Variants in ANK2 observed in about 807,000 individuals in gnomAD.
The protein encoded by ANK2 is ankyrin-2.
Under a neutral mutation model 360.5 loss-of-function variants are expected in ANK2, and 83 were observed. The ratio of observed to expected loss-of-function variants is 0.23; its 90% CI spans 0.19 to 0.28. ANK2 has a LOEUF of 0.28. ANK2 is among the 10% of genes least tolerant of loss of function. The pLI, the probability that ANK2 is intolerant of heterozygous loss-of-function variation, is 1.00. For missense variants in ANK2, 4,201 were observed against 4,795.7 expected, an observed-to-expected ratio of 0.88 and a Z score of 3.66; for synonymous variants, 1,740 against 1,759.5, an observed-to-expected ratio of 0.99 and a Z score of 0.28.
intron 1 of ANK2, among the ~76,000 whole-genome samples, chr4:113,139,513 G>A (rs1000894131): frequency 6.6e-6 from 1 of 152,144 alleles, no homozygotes; most frequent in Non-Finnish European, 1.5e-5. Flanking sequence ...TCATCAGTTT[G>A]GGGGGATTCT....
intron 1 of ANK2, among the ~76,000 whole-genome samples, chr4:112,834,940 C>G (rs771573494): frequency 6.6e-6 from 1 of 152,158 alleles, no homozygotes; most frequent in Non-Finnish European, 1.5e-5. Context: ...CAACTTGTTC[C>G]TCTATCCCTT....
At chr4:112,756,950 A>T in the ANK2 span, among the ~76,000 whole-genome samples, 2 of 152,014 alleles carry the variant, frequency 1.3e-5, no homozygotes, top group African/African-American at 4.8e-5. Flanking sequence ...TCCAGCCTGG[A>T]TGACAGAACG....
At chr4:113,359,346 T>C (rs1466937891) in intron 38 of ANK2, 47 bp downstream of exon 38, 1 of 1,606,904 alleles carries the variant, frequency 6.2e-7, no homozygotes, top group Non-Finnish European at 8.5e-7. Flanking sequence ...TGTCATAAAA[T>C]TGATATAGTT....
At chr4:113,058,680 T>A (rs2071425695) in intron 1 of ANK2, among the ~76,000 whole-genome samples, 2 of 152,188 alleles carry the variant, frequency 1.3e-5, no homozygotes, top group Admixed American at 1.3e-4. Flanking sequence ...TGTCTTGTAA[T>A]AAGTGCAGAG....
chr4:113,339,271 C>T lies in ANK2; in HGVS notation c.3842C>T (p.Pro1281Leu). The change falls in exon 32 of 46, where the codon CCA (proline) becomes CTA (leucine). Residue 1281 changes from proline to leucine, a missense_variant. Physicochemically the swap from Pro to Leu is moderately conservative, Grantham distance 98 (BLOSUM62 -3). Coordinates refer to ENST00000357077, the MANE Select transcript of ANK2 (RefSeq NM_001148.6). ...TGGGAAGATATTACAGGAACTACGCCATTAACATTTGTCAATGAATGTGTT... is the reference window on the plus strand; with the variant it reads ...TGGGAAGATATTACAGGAACTACGCTATTAACATTTGTCAATGAATGTGTT... ...AQWEDITGTT[P>L]LTFVNECVSF... 4 of 1,613,932 alleles carry T rather than the reference C, an allele frequency of 2.5e-6. 1 individual carries two copies. In the African/African-American group the frequency reaches 5.3e-5, roughly 22 times the overall value.
intron 2 of ANK2, among the ~76,000 whole-genome samples, chr4:112,977,286 T>C (rs1440756034): frequency 6.6e-6 from 1 of 152,170 alleles, no homozygotes; most frequent in African/African-American, 2.4e-5. Flanking sequence ...CCTTTCTTCT[T>C]TAAATAATAT....
At chr4:112,765,719 A>G in the ANK2 span, among the ~76,000 whole-genome samples, 1 of 141,040 alleles carries the variant, frequency 7.1e-6, no homozygotes, top group South Asian at 2.4e-4. Flanking sequence ...TATGTCTGAG[A>G]GCTCTAAAAT....
chr4:113,258,062 C>T lies in ANK2; in HGVS notation c.1201C>T (p.Pro401Ser), dbSNP rs2153633535. The T allele has an allele frequency of 6.2e-7, 1 of 1,614,034 alleles. No individual in the cohort carries two copies. The change falls in exon 12 of 46, where the codon CCA becomes TCA. Residue 401 changes from proline to serine, a missense_variant. By Grantham distance (74) the Pro-to-Ser change is moderately conservative (BLOSUM62 -1). This residue lies in a region of ANK2 where 1,268 missense variants were observed against 1,650.8 expected (regional missense o/e 0.77). Coordinates refer to ENST00000357077, the MANE Select transcript of ANK2 (RefSeq NM_001148.6). Reference protein sequence around the residue: ...PNARALNGFTPLHIACKKNRI... With the variant: ...PNARALNGFTSLHIACKKNRI... ...GTCTTTTGCACAGAATGGTTTTACTCCACTGCACATTGCCTGCAAGAAAAA... is the reference window on the plus strand; with the variant it reads ...GTCTTTTGCACAGAATGGTTTTACTTCACTGCACATTGCCTGCAAGAAAAA...
At chr4:113,125,769 C>A (rs115093138) in intron 1 of ANK2, among the ~76,000 whole-genome samples, 3,151 of 152,108 alleles carry the variant, frequency 0.021, 105 homozygotes, top group African/African-American at 0.072. Context: ...GACACTATGT[C>A]GTAGACAGAG....
At chr4:113,010,723 C>G (rs2054441863) in intron 2 of ANK2, among the ~76,000 whole-genome samples, 1 of 152,030 alleles carries the variant, frequency 6.6e-6, no homozygotes, top group Admixed American at 6.6e-5. Context: ...AATCCATACC[C>G]AAACAGAGTA....
At chr4:113,264,588 G>T (rs2054849296) in intron 13 of ANK2, among the ~76,000 whole-genome samples, 1 of 152,024 alleles carries the variant, frequency 6.6e-6, no homozygotes, top group Non-Finnish European at 1.5e-5. Flanking sequence ...TGGGTGTGGT[G>T]GCAGGCACCT....
Position 113,277,933 on chromosome 4 carries a change from A to G in ANK2, c.1780A>G (p.Lys594Glu), listed in dbSNP as rs369089532. ...QRRAAADSAG[K>E]NGLTPLHVAA... ...CCGTGCTGCCGCAGATTCTGCAGGGAAGGTAAAGATTTTCTATACGTTATA... is the reference window on the plus strand; with the variant it reads ...CCGTGCTGCCGCAGATTCTGCAGGGGAGGTAAAGATTTTCTATACGTTATA... The change falls in exon 16 of 46, where the codon AAG becomes GAG. Residue 594 changes from lysine to glutamate, a missense_variant and splice_region_variant. This residue lies in a region of ANK2 where 1,268 missense variants were observed against 1,650.8 expected (regional missense o/e 0.77). Transcript: ENST00000357077. 2 of 1,612,484 alleles carry G rather than the reference A, an allele frequency of 1.2e-6. No homozygotes were observed. The highest frequency in any genetic ancestry group is 1.7e-6 in the Non-Finnish European group (2 of 1,178,718).
the ANK2 span, among the ~76,000 whole-genome samples, chr4:112,781,817 T>C: frequency 6.7e-6 from 1 of 149,772 alleles, no homozygotes; most frequent in Admixed American, 6.8e-5. Flanking sequence ...TTTTAAAGTG[T>C]GATAACAGTA....
chr4:112,980,631 A>C (rs1175107987), intron 2 of ANK2: 2 of 152,242 alleles, frequency 1.3e-5, no homozygotes, highest in Admixed American at 1.3e-4. Flanking sequence ...TTAAACATAT[A>C]TGGACTGAAT....
intron 2 of ANK2, among the ~76,000 whole-genome samples, chr4:112,917,132 A>G (rs1490524779): frequency 1.3e-5 from 2 of 152,238 alleles, no homozygotes; most frequent in African/African-American, 4.8e-5. Flanking sequence ...GTTTGTGGAC[A>G]TTATAGGCTT....
the ANK2 span, among the ~76,000 whole-genome samples, chr4:112,740,634 T>C: frequency 6.7e-6 from 1 of 148,762 alleles, no homozygotes; most frequent in Non-Finnish European, 1.5e-5. Flanking sequence ...AACCCAGGAG[T>C]TGGAACCCAG....
intron 1 of ANK2, chr4:113,107,076 C>T (rs2093718104): frequency 3.0e-6 from 1 of 336,134 alleles, no homozygotes; most frequent in Non-Finnish European, 5.8e-6. Context: ...TGATTAAGGC[C>T]TGGTGTAAAT....
intron 2 of ANK2, among the ~76,000 whole-genome samples, chr4:112,949,305 A>G (rs1325145208): frequency 1.3e-5 from 2 of 152,166 alleles, no homozygotes; most frequent in Non-Finnish European, 2.9e-5. Flanking sequence ...CCAATAAAGC[A>G]TTCTCTTCCT....
the ANK2 span, among the ~76,000 whole-genome samples, chr4:112,728,152 G>A: frequency 6.6e-6 from 1 of 150,956 alleles, no homozygotes; most frequent in Non-Finnish European, 1.5e-5. Context: ...AATTAGCTGG[G>A]CGTGGTGGCA....
Sources: gnomAD v4.1 joint callset for allele counts (sites outside exome capture counted in the v4.1 genomes callset) on GRCh38, gnomAD v4.1.1 for gene constraint, gnomAD v4.1.1 regional missense constraint, MANE v1.5 for transcripts, NCBI Gene and HGNC (gene_info 2026-07-23, HGNC 2026-07-21) for gene names.